TMEM121B: variants seen among roughly 807,000 people sequenced by gnomAD.
The protein encoded by TMEM121B is transmembrane protein 121B.
A neutral mutation model predicts 25.1 loss-of-function variants in TMEM121B; 14 were observed. The observed-to-expected ratio is 0.56, with a 90% confidence interval of 0.37 to 0.87. The LOEUF is 0.87. Ranked by LOEUF, TMEM121B falls within the 40% of genes least tolerant of loss-of-function variation. The probability of loss-of-function intolerance (pLI) is 0.00; values close to 1 mark genes in which losing one functional copy is unlikely to be tolerated. For synonymous variants in TMEM121B, 458 were observed against 420.9 expected (o/e 1.09, Z -1.08); for missense variants, 850 against 854.6 (o/e 0.99, Z 0.07).
rs2061489032 is a variant in TMEM121B at position 17,119,921 on chromosome 22, G to C, written c.1207C>G (p.Leu403Val). 2 of 1,569,424 alleles carry C rather than the reference G, an allele frequency of 1.3e-6. No individual in the cohort carries two copies. The highest frequency in any genetic ancestry group is 1.7e-6 in the Non-Finnish European group (2 of 1,163,776). ...TCCACCAGCGTGAAGCTGTCGAGCA[G>C]GTCCAAGCACGTGCCCAGGAAGCAT... ...AGCFLGTCLD[L>V]LDSFTLVELM... The change falls in exon 1 of 1, where the codon CTG becomes GTG. Residue 403 changes from leucine to valine, a missense_variant. Physicochemically the swap from Leu to Val is conservative, Grantham distance 32. Transcript: ENST00000331437.
Position 17,120,513 on chromosome 22 carries a change from C to G in TMEM121B, c.615G>C (p.Val205=). Residue 205 remains valine (V), a synonymous_variant, in exon 1 of 1, where the codon GTG becomes GTC. Coordinates refer to ENST00000331437, the MANE Select transcript of TMEM121B (RefSeq NM_031890.4). The part of the protein sequence containing the change: ...RCRWGYQALS[V]VLLLAQGGLL... The stretch of plus-strand genomic sequence containing the variant: ...GGCCGCCCTGCGCCAGCAGCAGCAC[C>G]ACGGACAGCGCCTGGTAGCCCCAGC... 1 of 1,576,596 alleles carries G rather than the reference C, an allele frequency of 6.3e-7. No homozygotes were observed. The highest frequency in any genetic ancestry group is 8.6e-7 in the Non-Finnish European group (1 of 1,166,938).
At position 17,121,285 on chromosome 22, in the gene TMEM121B, C is replaced by T; in HGVS notation, c.-158G>A. 1 of 659,698 alleles carries T rather than the reference C, an allele frequency of 1.5e-6. No individual in the cohort carries two copies. Among genetic ancestry groups the T allele is most frequent in the African/African-American group, 1.9e-5 (1 of 52,366 alleles). 40.9% of individuals were successfully genotyped at this position (659,698 alleles called of 1,614,324 possible). A position where few individuals can be genotyped will look rare whatever the true frequency, so the allele number is the denominator to read the frequency against. On this transcript the variant is annotated 5_prime_UTR_variant, in exon 1 of 1. Transcript: ENST00000331437. ...GGCGGCGGCGAGATCCGGACTGGAG[C>T]CACTGGACTGGGCGAGCCGGGCCGG... is the stretch of plus-strand genomic sequence containing the variant.
chr22:17,120,165 G>A lies in TMEM121B; in HGVS notation c.963C>T (p.Tyr321=), dbSNP rs2061491085. ...FAFAYLAWLI[Y]SIAFTPKVVL... is the part of the protein sequence containing the mutation. The stretch of plus-strand genomic sequence containing the variant: ...CCACCTTGGGAGTGAAGGCGATGGA[G>A]TAGATAAGCCAGGCCAGGTAGGCGA... Residue 321 remains tyrosine, a synonymous_variant, in exon 1 of 1, where the codon TAC becomes TAT. Transcript: ENST00000331437. The A allele has an allele frequency of 5.6e-6, 9 of 1,607,846 alleles. No individual in the cohort carries two copies. Among genetic ancestry groups the A allele is most frequent in the Non-Finnish European group, 7.6e-6 (9 of 1,178,474 alleles).
chr22:17,119,571 C>T lies in TMEM121B; in HGVS notation c.1557G>A (p.Trp519Ter). ...TCGGGGAGGCCCGATTGCCCCGGTC[C>T]CAGCAGCCCTCCAGGGCCTCCAGGC... ...CRGLEALEGCWDRGNRASPSR... is the reference protein window; with the variant it reads ...CRGLEALEGC The change falls in exon 1 of 1, where the codon TGG becomes TGA. Residue 519 changes from tryptophan (W) to a stop codon, truncating the protein, a stop_gained. Coordinates refer to ENST00000331437, the MANE Select transcript of TMEM121B (RefSeq NM_031890.4). LOFTEE classifies it high-confidence loss of function. 1 of 1,550,936 alleles carries T rather than the reference C, an allele frequency of 6.4e-7. No individual in the cohort carries two copies. The highest frequency in any genetic ancestry group is 2.4e-5 in the East Asian group (1 of 41,192).
rs1208670182 is a variant in TMEM121B, at chr22:17,120,304, T to G, written c.824A>C (p.His275Pro). The G allele has an allele frequency of 2.7e-5, 38 of 1,428,672 alleles. No homozygotes were observed. The highest frequency in any genetic ancestry group is 3.4e-5 in the Non-Finnish European group (37 of 1,092,696). 88.5% of individuals were successfully genotyped at this position (1,428,672 alleles called of 1,614,324 possible). Residue 275 changes from histidine (H) to proline (P), a missense_variant, in exon 1 of 1, where the codon CAT (histidine) becomes CCT (proline). Transcript: ENST00000331437. ...LHHHHAAPPLHLPAPSAATAG... is the reference protein window; with the variant it reads ...LHHHHAAPPLPLPAPSAATAG... ...GGTAGCGGCCGAGGGGGCGGGCAGATGCAGGGGCGGCGCGGCGTGGTGGTG... is the reference window on the plus strand; with the variant it reads ...GGTAGCGGCCGAGGGGGCGGGCAGAGGCAGGGGCGGCGCGGCGTGGTGGTG...
At position 17,120,906 on chromosome 22, in the gene TMEM121B, G is replaced by C. The variant is rs1331663257; in HGVS notation, c.222C>G (p.Ala74=). The C allele has an allele frequency of 3.2e-5, 45 of 1,397,112 alleles. No homozygotes were observed. The highest frequency in any genetic ancestry group is 4.1e-5 in the Non-Finnish European group (44 of 1,076,790). The allele number at this position is 1,397,112 out of a possible 1,614,324, so 86.5% of individuals were successfully genotyped here. A position where few individuals can be genotyped will look rare whatever the true frequency, so the allele number is the denominator to read the frequency against. The change falls in exon 1 of 1, where the codon GCC becomes GCG. Residue 74 remains alanine (A), a synonymous_variant. Coordinates refer to ENST00000331437, the MANE Select transcript of TMEM121B (RefSeq NM_031890.4). Reference sequence around the variant, plus strand: ...GGCTCTCGTCGTCGTCCTCGCGCTCGGCGCCCGTGCTGCTGCTCGGGGAGC... The same window carrying C: ...GGCTCTCGTCGTCGTCCTCGCGCTCCGCGCCCGTGCTGCTGCTCGGGGAGC... ...GGGSPSSSTG[A]EREDDDESLS...
chr22:17,121,317 G>A lies in TMEM121B; in HGVS notation c.-190C>T, dbSNP rs2061499461. The stretch of plus-strand genomic sequence containing the variant: ...ACTGGGCGAGCCGGGCCGGGCGGCA[G>A]GGAGAGGGGGCAGGCGGTGAACCGA... On this transcript the variant is annotated 5_prime_UTR_variant, in exon 1 of 1. Transcript: ENST00000331437. The A allele has an allele frequency of 4.4e-6, 2 of 454,512 alleles. No individual in the cohort carries two copies. Among genetic ancestry groups the A allele is most frequent in the Non-Finnish European group, 7.0e-6 (2 of 285,016 alleles). The allele number at this position is 454,512 out of a possible 1,614,324, so 28.2% of individuals were successfully genotyped here.
At position 17,120,101 on chromosome 22, in the gene TMEM121B, G is replaced by C; in HGVS notation, c.1027C>G (p.Leu343Val). 5.0e-6 allele frequency: 8 copies of C among 1,611,796 alleles called. No individual in the cohort carries two copies. Among genetic ancestry groups the C allele is most frequent in the Non-Finnish European group, 6.8e-6 (8 of 1,179,698 alleles). The change falls in exon 1 of 1, where the codon CTA becomes GTA. Residue 343 changes from leucine (L) to valine (V), a missense_variant. By Grantham distance (32) the Leu-to-Val change is conservative. Transcript: ENST00000331437. Reference sequence around the variant, plus strand: ...CCCGTGGTGCCGAAGGGCGCGCGTAGCTCGATGAGGTCTAGGATGGACGTG... The same window carrying C: ...CCCGTGGTGCCGAAGGGCGCGCGTACCTCGATGAGGTCTAGGATGGACGTG... ...LGTSILDLIELRAPFGTTGFR... is the reference protein window; with the variant it reads ...LGTSILDLIEVRAPFGTTGFR...
rs1169365143 is a variant in TMEM121B, at chr22:17,116,578, C to T, written c.*2813G>A. The T allele has an allele frequency of 6.6e-6, 1 of 152,200 alleles. No homozygotes were observed. The highest frequency in any genetic ancestry group is 1.5e-5 in the Non-Finnish European group (1 of 68,044). 9.4% of individuals were successfully genotyped at this position (152,200 alleles called of 1,614,324 possible). On this transcript the variant is annotated 3_prime_UTR_variant, in exon 1 of 1. Transcript: ENST00000331437. ...TGAATTGTTAGGAGCAGGCGGTTCT[C>T]GAGATTCTGAGCCCAGGATCCTTTT...
At position 17,119,128 on chromosome 22, in the gene TMEM121B, G is replaced by A. The variant is rs142207848; in HGVS notation, c.*263C>T. The A allele has an allele frequency of 6.4e-3, 2,772 of 436,154 alleles. 14 individuals carry two copies. Among genetic ancestry groups the A allele is most frequent in the South Asian group, 8.4e-3 (306 of 36,236 alleles). 27.0% of individuals were successfully genotyped at this position (436,154 alleles called of 1,614,324 possible). On this transcript the variant is annotated 3_prime_UTR_variant, in exon 1 of 1. Transcript: ENST00000331437. Reference sequence around the variant, plus strand: ...GTGGAGGTGGGCAAAGCAAGAAGCAGAGGTACCAGCCCCTTGGAGGTCAGG... The same window carrying A: ...GTGGAGGTGGGCAAAGCAAGAAGCAAAGGTACCAGCCCCTTGGAGGTCAGG...
chr22:17,121,064 G>T lies in TMEM121B; in HGVS notation c.64C>A (p.Pro22Thr). 6.9e-7 allele frequency: 1 copy of T among 1,454,360 alleles called. No homozygotes were observed. The highest frequency in any genetic ancestry group is 1.3e-5 in the South Asian group (1 of 75,758). The allele number at this position is 1,454,360 out of a possible 1,614,324, so 90.1% of individuals were successfully genotyped here. A position where few individuals can be genotyped will look rare whatever the true frequency, so the allele number is the denominator to read the frequency against. ...AGGGGCTGCAGCCGGGCGGCTGCCG[G>T]GGGCGGCGGGAAGGAACCGGACGCG... ...SSASGSFPPP[P>T]AAARLQPLFL... is the part of the protein sequence containing the mutation. The change falls in exon 1 of 1, where the codon CCG becomes ACG. Residue 22 changes from proline to threonine, a missense_variant. Pro to Thr is a conservative substitution (Grantham distance 38, BLOSUM62 -1). Coordinates refer to ENST00000331437, the MANE Select transcript of TMEM121B (RefSeq NM_031890.4).
rs2061493706 is a variant in TMEM121B at position 17,120,562 on chromosome 22, C to A, written c.566G>T (p.Gly189Val). 1 of 1,495,702 alleles carries A rather than the reference C, an allele frequency of 6.7e-7. No individual in the cohort carries two copies. The highest frequency in any genetic ancestry group is 1.2e-5 in the South Asian group (1 of 80,584). 92.7% of individuals were successfully genotyped at this position (1,495,702 alleles called of 1,614,324 possible). A position where few individuals can be genotyped will look rare whatever the true frequency, so the allele number is the denominator to read the frequency against. Residue 189 changes from glycine to valine, a missense_variant, in exon 1 of 1, where the codon GGC (glycine) becomes GTC (valine). Physicochemically the swap from Gly to Val is moderately radical, Grantham distance 109. Coordinates refer to ENST00000331437, the MANE Select transcript of TMEM121B (RefSeq NM_031890.4). ...GCGGCACCTGGGACTGGGGGCGCAG[C>A]CGCGGCGCCGACCTCTGCGGCCGGG... Reference protein sequence around the residue: ...DRPGRRGRRRGCAPSPRCRWG... With the variant: ...DRPGRRGRRRVCAPSPRCRWG...
rs1198571709 is a variant in TMEM121B at position 17,117,867 on chromosome 22, A to AT, written c.*1523dup. 6.6e-6 allele frequency: 1 copy of AT among 152,234 alleles called. No individual in the cohort carries two copies. Among genetic ancestry groups the AT allele is most frequent in the Non-Finnish European group, 1.5e-5 (1 of 68,038 alleles). 9.4% of individuals were successfully genotyped at this position (152,234 alleles called of 1,614,324 possible). A position where few individuals can be genotyped will look rare whatever the true frequency, so the allele number is the denominator to read the frequency against. ...AATAAAAATATGTCACTCAAAGCCAATGAGTGACAGAATCAGAACTAGAAT... is the reference window on the plus strand; with the variant it reads ...AATAAAAATATGTCACTCAAAGCCAATTGAGTGACAGAATCAGAACTAGAAT... On this transcript the variant is annotated 3_prime_UTR_variant, in exon 1 of 1. Coordinates refer to ENST00000331437, the MANE Select transcript of TMEM121B (RefSeq NM_031890.4).
Position 17,119,390 on chromosome 22 carries a change from C to G in TMEM121B, c.*1G>C. 1.3e-6 allele frequency: 2 copies of G among 1,593,056 alleles called. No homozygotes were observed. Among genetic ancestry groups the G allele is most frequent in the South Asian group, 2.3e-5 (2 of 87,626 alleles). Reference sequence around the variant, plus strand: ...AAAACAAGGACCCGTGCCCTTCACCCTCAATTCTGAGAGGCCACAGCCAGG... The same window carrying G: ...AAAACAAGGACCCGTGCCCTTCACCGTCAATTCTGAGAGGCCACAGCCAGG... On this transcript the variant is annotated 3_prime_UTR_variant, in exon 1 of 1. Transcript: ENST00000331437.
Position 17,119,530 on chromosome 22 carries a change from C to A in TMEM121B, c.1598G>T (p.Gly533Val), listed in dbSNP as rs184892903. ...AGGGGCGGAGGGCGGAGCACCGTAG[C>A]CCCCTCTGGCCCGACTCGGGGAGGC... ...NRASPSRARG[G>V]YGAPPSAPPP... Residue 533 changes from glycine to valine, a missense_variant, in exon 1 of 1, where the codon GGC becomes GTC. Transcript: ENST00000331437. 2.9e-3 allele frequency: 4,529 copies of A among 1,559,584 alleles called. 4 individuals carry two copies. Among genetic ancestry groups the A allele is most frequent in the Non-Finnish European group, 3.5e-3 (4,007 of 1,153,388 alleles).
At position 17,121,083 on chromosome 22, in the gene TMEM121B, G is replaced by A. The variant is rs374912363; in HGVS notation, c.45C>T (p.Ser15=). ...CTGCCGGGGGCGGCGGGAAGGAACC[G>A]GACGCGGAGGAGACCGAGCGAGGGT... ...LGHPRSVSSA[S]GSFPPPPAAA... The change falls in exon 1 of 1, where the codon TCC becomes TCT. Residue 15 remains serine, a synonymous_variant. Coordinates refer to ENST00000331437, the MANE Select transcript of TMEM121B (RefSeq NM_031890.4). 7.6e-6 allele frequency: 11 copies of A among 1,442,046 alleles called. No homozygotes were observed. In the East Asian group the frequency reaches 2.4e-4, roughly 31 times the overall value. The allele number at this position is 1,442,046 out of a possible 1,614,324, so 89.3% of individuals were successfully genotyped here. A position where few individuals can be genotyped will look rare whatever the true frequency, so the allele number is the denominator to read the frequency against.
rs2061495329 is a variant in TMEM121B at position 17,120,758 on chromosome 22, A to T, written c.370T>A (p.Ser124Thr). 1 of 1,025,126 alleles carries T rather than the reference A, an allele frequency of 9.8e-7. No individual in the cohort carries two copies. The highest frequency in any genetic ancestry group is 1.2e-6 in the Non-Finnish European group (1 of 856,922). The allele number at this position is 1,025,126 out of a possible 1,614,324, so 63.5% of individuals were successfully genotyped here. ...SSSAATSSST[S>T]TPTSSCSMTA... ...ATGCTGCAGGAGGAGGTGGGCGTGG[A>T]GGTGGAGGAGGAGGTGGCCGCTGAG... Residue 124 changes from serine to threonine, a missense_variant, in exon 1 of 1, where the codon TCC (serine) becomes ACC (threonine). Ser to Thr is a moderately conservative substitution (Grantham distance 58, BLOSUM62 1). Coordinates refer to ENST00000331437, the MANE Select transcript of TMEM121B (RefSeq NM_031890.4).
In TMEM121B at chr22:17,121,006, C is replaced by A; in HGVS notation, c.122G>T (p.Arg41Ile). 2.0e-6 allele frequency: 3 copies of A among 1,469,146 alleles called. No individual in the cohort carries two copies. The highest frequency in any genetic ancestry group is 2.7e-6 in the Non-Finnish European group (3 of 1,113,012). 91.0% of individuals were successfully genotyped at this position (1,469,146 alleles called of 1,614,324 possible). A position where few individuals can be genotyped will look rare whatever the true frequency, so the allele number is the denominator to read the frequency against. ...FLRGGSFRGR[R>I]GSGDSSTSTS... is the part of the protein sequence containing the mutation. Reference sequence around the variant, plus strand: ...GCTGGTGCTGCTGTCGCCGGAGCCTCTCCGGCCGCGGAAGGAGCCCCCGCG... The same window carrying A: ...GCTGGTGCTGCTGTCGCCGGAGCCTATCCGGCCGCGGAAGGAGCCCCCGCG... The change falls in exon 1 of 1, where the codon AGA becomes ATA. Residue 41 changes from arginine (R) to isoleucine (I), a missense_variant. Arg to Ile is a moderately conservative substitution (Grantham distance 97, BLOSUM62 -3). Coordinates refer to ENST00000331437, the MANE Select transcript of TMEM121B (RefSeq NM_031890.4).
Position 17,119,747 on chromosome 22 carries a change from C to G in TMEM121B, c.1381G>C (p.Gly461Arg). The change falls in exon 1 of 1, where the codon GGG (glycine) becomes CGG (arginine). Residue 461 changes from glycine to arginine, a missense_variant. Transcript: ENST00000331437. ...AAAASWGQAS[G>R]PGSCSRLLRL... The stretch of plus-strand genomic sequence containing the variant: ...AGAAGGCGGCTGCAGCTGCCAGGCC[C>G]GGAGGCCTGGCCCCAGGATGCAGCC... The G allele has an allele frequency of 6.4e-7, 1 of 1,552,378 alleles. No homozygotes were observed. The highest frequency in any genetic ancestry group is 8.6e-7 in the Non-Finnish European group (1 of 1,156,500).
Sources: gnomAD v4.1 joint callset for allele counts on GRCh38, gnomAD v4.1.1 for gene constraint, MANE v1.5 for transcripts, NCBI Gene and HGNC (gene_info 2026-07-23, HGNC 2026-07-21) for gene names.